Variants in THEMIS observed in about 807,000 individuals in gnomAD.
The protein encoded by THEMIS is thymocyte selection associated, also known as protein THEMIS.
In THEMIS, 37 loss-of-function variants were observed where a neutral mutation model predicts 52.6. The observed-to-expected ratio is 0.70, with a 90% CI of 0.54 to 0.93. The LOEUF (loss-of-function observed/expected upper bound fraction) is 0.93. Ranked by LOEUF, THEMIS falls within the 40% of genes least tolerant of loss-of-function variation. The probability of loss-of-function intolerance (pLI) is 0.00; values close to 1 mark genes in which losing one functional copy is unlikely to be tolerated. For missense variants in THEMIS, 808 were observed against 763.1 expected, an observed-to-expected ratio of 1.06 and a Z score of -0.69; for synonymous variants, 292 against 272.7, an observed-to-expected ratio of 1.07 and a Z score of -0.70.
At chr6:127,783,181 G>A (rs536321514) in intron 4 of THEMIS, among the ~76,000 whole-genome samples, 98 of 152,272 alleles carry the variant, frequency 6.4e-4, no homozygotes, top group African/African-American at 2.2e-3. Context: ...AAACTGGCTA[G>A]CCATATGCAG....
intron 1 of THEMIS, among the ~76,000 whole-genome samples, chr6:127,874,649 G>C (rs910076517): frequency 6.6e-6 from 1 of 152,110 alleles, no homozygotes; most frequent in South Asian, 2.1e-4. Context: ...CAAGAGTCAA[G>C]TGTACTAAAC....
In THEMIS at chr6:127,822,962, A is replaced by G. The variant is rs139574398; in HGVS notation, c.709+6514T>C. On this transcript the variant is annotated intron_variant, in intron 3 of 5. Transcript: ENST00000368248. ...TCAACTCCCATACTTGCATGAGCCA[A>G]TTCCTTAAAATAAACAAATATTTTT... Among the ~76,000 whole-genome samples the G allele has an allele frequency of 3.3e-4, 50 of 152,304 alleles. No individual in the cohort carries two copies. In the East Asian group the frequency reaches 9.6e-3, roughly 29 times the overall value.
intron 2 of THEMIS, among the ~76,000 whole-genome samples, chr6:127,853,198 C>T (rs889969846): frequency 6.6e-6 from 1 of 151,708 alleles, no homozygotes; most frequent in Middle Eastern, 3.4e-3. Flanking sequence ...ACACAAATAG[C>T]CTCAATTACA....
intron 4 of THEMIS, among the ~76,000 whole-genome samples, chr6:127,759,841 T>TC (rs1393541298): frequency 1.3e-5 from 1 of 74,632 alleles, no homozygotes; most frequent in African/African-American, 5.3e-5. Context: ...CCTCCCTCCC[T>TC]CCCTCCCTCC....
At chr6:127,721,451 C>A (rs908939472) in intron 4 of THEMIS, among the ~76,000 whole-genome samples, 1 of 152,054 alleles carries the variant, frequency 6.6e-6, no homozygotes, top group Non-Finnish European at 1.5e-5. Context: ...TATTCAAACA[C>A]AATTTCTTAC....
chr6:127,853,292 T>A (rs1779495168), intron 2 of THEMIS, among the ~76,000 whole-genome samples: 2 of 151,628 alleles, frequency 1.3e-5, no homozygotes, highest in Non-Finnish European at 3.0e-5. Flanking sequence ...ATTAGAGTAC[T>A]TAAGAGAGGC....
chr6:127,852,989 G>T (rs1255517031), intron 2 of THEMIS, among the ~76,000 whole-genome samples: 1 of 151,546 alleles, frequency 6.6e-6, no homozygotes, highest in Non-Finnish European at 1.5e-5. Context: ...AAATTAAACT[G>T]TTAGCCAAAA....
At chr6:127,880,518 A>G (rs1035602367) in intron 1 of THEMIS, among the ~76,000 whole-genome samples, 31 of 152,022 alleles carry the variant, frequency 2.0e-4, no homozygotes, top group African/African-American at 6.5e-4. Context: ...TGAGGAAAAA[A>G]AAAAAACTTT....
chr6:127,840,935 G>GC lies in THEMIS; in HGVS notation c.251-11002_251-11001insG, dbSNP rs1356292968. ...CAGGAAAAGGATCAGTGGTTACCAC[G>GC]GATTAGAGGAGAGAGGGGAATGAGT... On this transcript the variant is annotated intron_variant, in intron 2 of 5. Coordinates refer to ENST00000368248, the MANE Select transcript of THEMIS (RefSeq NM_001010923.3). Among the ~76,000 whole-genome samples the GC allele has an allele frequency of 2.0e-5, 3 of 152,012 alleles. No individual in the cohort carries two copies. In the East Asian group the frequency reaches 5.8e-4, roughly 29 times the overall value.
At chr6:127,747,172 T>TTGTC (rs1174239489) in intron 4 of THEMIS, among the ~76,000 whole-genome samples, 1 of 63,984 alleles carries the variant, frequency 1.6e-5, no homozygotes, top group African/African-American at 5.9e-5. Flanking sequence ...TTATATATAA[T>TTGTC]TATAGATATC....
At chr6:127,813,972 C>T in intron 3 of THEMIS, 41 bp from the exon 4 acceptor site, 1 of 1,482,892 alleles carries the variant, frequency 6.7e-7, no homozygotes, top group South Asian at 1.4e-5. Flanking sequence ...TTTTGTACTT[C>T]AAAACGTTTG....
intron 4 of THEMIS, among the ~76,000 whole-genome samples, chr6:127,775,097 T>TA (rs539425494): frequency 9.0e-4 from 137 of 152,242 alleles, no homozygotes; most frequent in South Asian, 4.8e-3. Flanking sequence ...AGGCAGGGCA[T>TA]ATGTTGATTA....
At chr6:127,769,041 G>A (rs958975618) in intron 4 of THEMIS, among the ~76,000 whole-genome samples, 6 of 152,168 alleles carry the variant, frequency 3.9e-5, no homozygotes, top group African/African-American at 1.4e-4. Context: ...TATTTACTTT[G>A]TAAACTTCCT....
At chr6:127,854,714 A>C (rs1316053390) in intron 2 of THEMIS, among the ~76,000 whole-genome samples, 1 of 151,850 alleles carries the variant, frequency 6.6e-6, no homozygotes. Context: ...AGAATTTATG[A>C]AAATATATCT....
At chr6:127,811,785 C>T (rs1018272684) in intron 4 of THEMIS, among the ~76,000 whole-genome samples, 9 of 152,218 alleles carry the variant, frequency 5.9e-5, no homozygotes, top group South Asian at 2.1e-4. Flanking sequence ...AATAGCAACA[C>T]GTTAATCAAC....
chr6:127,726,380 C>A (rs981656666), intron 4 of THEMIS, among the ~76,000 whole-genome samples: 2 of 152,090 alleles, frequency 1.3e-5, no homozygotes, highest in Non-Finnish European at 2.9e-5. Context: ...CTGGCTGGGA[C>A]TAGACCCAAG....
intron 3 of THEMIS, among the ~76,000 whole-genome samples, chr6:127,821,137 T>C (rs1778325137): frequency 6.6e-6 from 1 of 151,852 alleles, no homozygotes; most frequent in Middle Eastern, 3.4e-3. Context: ...TTGTGGTATA[T>C]ATAGCTCTAA....
At chr6:127,858,129 AAAGATAAATTTATGTGAGATTT>A (rs1331232101) in intron 1 of THEMIS, among the ~76,000 whole-genome samples, 2 of 152,114 alleles carry the variant, frequency 1.3e-5, no homozygotes, top group African/African-American at 4.8e-5. Context: ...TTCAAAATAA[AAAGATAAATTTATGTGAGATTT>A]CATATCAATT....
At chr6:127,786,054 CATT>C (rs1235088799) in intron 4 of THEMIS, among the ~76,000 whole-genome samples, 67 of 152,198 alleles carry the variant, frequency 4.4e-4, no homozygotes, top group African/African-American at 1.6e-3. Flanking sequence ...TTTTATAAAA[CATT>C]AATGACTTTG....
Sources: allele counts gnomAD v4.1 joint callset (sites outside exome capture counted in the v4.1 genomes callset), GRCh38; gene constraint gnomAD v4.1.1; transcripts MANE v1.5; gene names NCBI Gene and HGNC (gene_info 2026-07-23, HGNC 2026-07-21).